Variants in CHN1 observed in about 807,000 individuals in gnomAD.
CHN1 encodes the protein chimerin 1.
In CHN1, 37 loss-of-function variants were observed where a neutral mutation model predicts 59.5. That is an observed-to-expected ratio of 0.62 (90% CI 0.48 to 0.82). The LOEUF is 0.82. Among genes scored for constraint, CHN1 ranks in the 40% least tolerant of loss-of-function variants. CHN1 has a pLI of 0.00. For missense variants in CHN1, 469 were observed against 571.0 expected (o/e 0.82, Z 1.82); for synonymous variants, 206 against 200.4 (o/e 1.03, Z -0.24).
At chr2:174,866,579 A>AGAATG (rs1687222753) in intron 6 of CHN1, among the ~76,000 whole-genome samples, 1 of 152,202 alleles carries the variant, frequency 6.6e-6, no homozygotes, top group Non-Finnish European at 1.5e-5. Flanking sequence ...ACATTGAAAT[A>AGAATG]CTTGGTAATT....
At chr2:174,806,689 T>C (rs1218930140) in intron 11 of CHN1, among the ~76,000 whole-genome samples, 1 of 152,190 alleles carries the variant, frequency 6.6e-6, no homozygotes, top group Non-Finnish European at 1.5e-5. Flanking sequence ...CTTTCTAAAA[T>C]TACATCATGG....
chr2:174,910,332 C>T (rs901645854), intron 5 of CHN1, among the ~76,000 whole-genome samples: 5 of 151,848 alleles, frequency 3.3e-5, no homozygotes, highest in Non-Finnish European at 5.9e-5. Flanking sequence ...ACTAATAAGT[C>T]AAAGTTAATG....
chr2:174,873,410 T>A (rs1043065704), intron 6 of CHN1, among the ~76,000 whole-genome samples: 5 of 152,252 alleles, frequency 3.3e-5, no homozygotes, highest in African/African-American at 9.6e-5. Context: ...CAAACTTCTT[T>A]GTGCCATGCA....
At chr2:174,920,836 C>CTAT in intron 3 of CHN1, 1 of 285,270 alleles carries the variant, frequency 3.5e-6, no homozygotes, top group Non-Finnish European at 7.5e-6. Flanking sequence ...TACTTTATTT[C>CTAT]TATTATTATT....
At chr2:174,995,504 A>G (rs1428093450) in intron 1 of CHN1, among the ~76,000 whole-genome samples, 1 of 152,158 alleles carries the variant, frequency 6.6e-6, no homozygotes, top group African/African-American at 2.4e-5. Context: ...TTGGGATGCA[A>G]CTGCTCCACC....
intron 6 of CHN1, among the ~76,000 whole-genome samples, chr2:174,877,140 T>C (rs1039280002): frequency 2.6e-5 from 4 of 152,158 alleles, no homozygotes; most frequent in South Asian, 2.1e-4. Context: ...CTGGTGGCAA[T>C]TTTCAAAAGT....
intron 6 of CHN1, among the ~76,000 whole-genome samples, chr2:174,857,065 T>C (rs1686922732): frequency 6.6e-6 from 1 of 152,192 alleles, no homozygotes; most frequent in Non-Finnish European, 1.5e-5. Context: ...ATACAGTTAT[T>C]AATATCATAA....
chr2:174,881,143 T>G (rs116833010), intron 5 of CHN1, among the ~76,000 whole-genome samples: 1 of 152,186 alleles, frequency 6.6e-6, no homozygotes, highest in African/African-American at 2.4e-5. Context: ...TGTAAAGTGA[T>G]TCACAAAACC....
chr2:174,924,148 CAT>C (rs1354895096), intron 3 of CHN1, among the ~76,000 whole-genome samples: 3 of 152,164 alleles, frequency 2.0e-5, no homozygotes, highest in Non-Finnish European at 4.4e-5. Context: ...TGTCTAAAAA[CAT>C]AGCATAAATT....
At chr2:174,972,953 T>C (rs758565669) in intron 1 of CHN1, among the ~76,000 whole-genome samples, 1 of 152,222 alleles carries the variant, frequency 6.6e-6, no homozygotes, top group Non-Finnish European at 1.5e-5. Flanking sequence ...ATCACTGATA[T>C]TCTCTTTTTC....
chr2:174,831,824 C>T (rs933544601), intron 7 of CHN1, among the ~76,000 whole-genome samples: 5 of 151,972 alleles, frequency 3.3e-5, no homozygotes, highest in Admixed American at 6.6e-5. Flanking sequence ...TGAATGAGTT[C>T]GTATTCAAAT....
At chr2:174,896,588 G>A (rs2105351934) in intron 5 of CHN1, among the ~76,000 whole-genome samples, 1 of 152,234 alleles carries the variant, frequency 6.6e-6, no homozygotes, top group Non-Finnish European at 1.5e-5. Context: ...AAATCATGAT[G>A]TCAGTCCAAC....
intron 11 of CHN1, among the ~76,000 whole-genome samples, chr2:174,807,438 C>T (rs1403244074): frequency 7.6e-6 from 1 of 132,404 alleles, no homozygotes; most frequent in Non-Finnish European, 1.6e-5. Context: ...CAGCTTTTCA[C>T]GGGCTATCTG....
At chr2:174,915,831 T>C (rs185400592) in intron 4 of CHN1, among the ~76,000 whole-genome samples, 76 of 152,206 alleles carry the variant, frequency 5.0e-4, no homozygotes, top group Admixed American at 1.7e-3. Flanking sequence ...CATAAAACAC[T>C]GAAAAAAATG....
intron 1 of CHN1, among the ~76,000 whole-genome samples, chr2:174,989,657 G>A (rs995295240): frequency 6.6e-6 from 1 of 151,996 alleles, no homozygotes; most frequent in Admixed American, 6.5e-5. Context: ...GGGCATGGTG[G>A]CTCGCACCTG....
chr2:174,874,831 C>G (rs1687514002), intron 6 of CHN1, among the ~76,000 whole-genome samples: 1 of 151,552 alleles, frequency 6.6e-6, no homozygotes, highest in Non-Finnish European at 1.5e-5. Context: ...GCAGAGAAGG[C>G]CTATAGAAAG....
intron 7 of CHN1, chr2:174,846,282 AAC>A: frequency 6.5e-7 from 1 of 1,535,066 alleles, no homozygotes. Context: ...AAACCACATT[AAC>A]ACAATAATTA....
At chr2:174,960,665 T>C (rs1180104495) in intron 1 of CHN1, among the ~76,000 whole-genome samples, 2 of 150,938 alleles carry the variant, frequency 1.3e-5, no homozygotes, top group Non-Finnish European at 2.9e-5. Context: ...CTACTAAAAA[T>C]ACAAAAATCA....
At chr2:174,817,606 C>T (rs1685315050) in intron 8 of CHN1, among the ~76,000 whole-genome samples, 1 of 150,730 alleles carries the variant, frequency 6.6e-6, no homozygotes, top group African/African-American at 2.4e-5. Context: ...GGACTACAGA[C>T]ACGCGTCGCT....
Sources: gnomAD v4.1 joint callset for allele counts (sites outside exome capture counted in the v4.1 genomes callset) on GRCh38, gnomAD v4.1.1 for gene constraint, MANE v1.5 for transcripts, NCBI Gene and HGNC (gene_info 2026-07-23, HGNC 2026-07-21) for gene names.